The following ARL15 variants were observed in gnomAD, a reference collection of about 807,000 sequenced individuals.
ARL15 encodes the protein ADP-ribosylation factor-like protein 15.
In ARL15, 19 loss-of-function variants were observed where a neutral mutation model predicts 25.2. The ratio of observed to expected loss-of-function variants is 0.75; its 90% confidence interval spans 0.53 to 1.10. The LOEUF is 1.10. Among genes scored for constraint, ARL15 ranks in the 50% least tolerant of loss-of-function variants. ARL15 has a pLI of 0.00. For synonymous variants in ARL15, 94 were observed against 86.8 expected (o/e 1.08, Z -0.46); for missense variants, 220 against 246.0 (o/e 0.89, Z 0.71).
chr5:54,246,233 A>AT (rs972663216), intron 1 of ARL15, among the ~76,000 whole-genome samples: 14 of 151,932 alleles, frequency 9.2e-5, no homozygotes, highest in African/African-American at 3.4e-4. Flanking sequence ...AACTTCACAA[A>AT]TAAGGGTCTA....
chr5:54,096,494 A>G (rs990758182), intron 4 of ARL15, among the ~76,000 whole-genome samples: 6 of 152,154 alleles, frequency 3.9e-5, no homozygotes, highest in African/African-American at 1.4e-4. Context: ...GCTCACTGCA[A>G]CCAACTCCTG....
rs116464861 is a variant in ARL15, at chr5:54,147,359, A to G, written c.253+7221T>C. ...CTCTCCAAGGAGCTTTAGATAATTG[A>G]AAATGTTCTCTTCCAGCCCAATCCC... On this transcript the variant is annotated intron_variant, in intron 3 of 4. Transcript: ENST00000504924. Among the ~76,000 whole-genome samples the G allele has an allele frequency of 3.1e-3, 474 of 152,316 alleles. 2 individuals are homozygous for G. Among genetic ancestry groups the G allele is most frequent in the African/African-American group, 0.011 (455 of 41,560 alleles).
chr5:53,941,867 G>A (rs1239927403), intron 4 of ARL15, among the ~76,000 whole-genome samples: 1 of 152,128 alleles, frequency 6.6e-6, no homozygotes, highest in African/African-American at 2.4e-5. Context: ...GTCTCCAGCA[G>A]TAGAAAAGGA....
At chr5:54,211,888 G>A (rs1756053373) in intron 1 of ARL15, among the ~76,000 whole-genome samples, 1 of 152,142 alleles carries the variant, frequency 6.6e-6, no homozygotes, top group Non-Finnish European at 1.5e-5. Flanking sequence ...TGCTTATCTG[G>A]AGCACACCTA....
At chr5:54,099,192 A>G (rs1177130909) in intron 4 of ARL15, among the ~76,000 whole-genome samples, 2 of 152,180 alleles carry the variant, frequency 1.3e-5, no homozygotes, top group South Asian at 2.1e-4. Flanking sequence ...TTGCATTTGT[A>G]CTTTTTGAAA....
At chr5:54,077,987 C>T (rs1426542036) in intron 4 of ARL15, among the ~76,000 whole-genome samples, 1 of 152,088 alleles carries the variant, frequency 6.6e-6, no homozygotes, top group East Asian at 1.9e-4. Flanking sequence ...TTGAGTTATG[C>T]TAATTTGATT....
chr5:54,151,462 C>G (rs139387448), intron 3 of ARL15, among the ~76,000 whole-genome samples: 1 of 152,232 alleles, frequency 6.6e-6, no homozygotes, highest in East Asian at 1.9e-4. Flanking sequence ...GTGCTTAGAT[C>G]TTTCATTCTC....
At chr5:54,086,979 G>C (rs1751980047) in intron 4 of ARL15, among the ~76,000 whole-genome samples, 1 of 152,172 alleles carries the variant, frequency 6.6e-6, no homozygotes, top group African/African-American at 2.4e-5. Context: ...TTTAAAAAAT[G>C]TTCAAAGCTG....
In ARL15 at chr5:54,212,424, C is replaced by T. The variant is rs1756069118; in HGVS notation, c.49-40496G>A. Among the ~76,000 whole-genome samples, 2 of 152,062 alleles carry T rather than the reference C, an allele frequency of 1.3e-5. 1 individual carries two copies. Among genetic ancestry groups the T allele is most frequent in the South Asian group, 4.2e-4 (2 of 4,816 alleles). On this transcript the variant is annotated intron_variant, in intron 1 of 4. Transcript: ENST00000504924. ...CACAGGAAAGCAAAAACTTTCCCCACAGAACCTCAAGCAGACCCCCTCCCC... is the reference window on the plus strand; with the variant it reads ...CACAGGAAAGCAAAAACTTTCCCCATAGAACCTCAAGCAGACCCCCTCCCC...
At chr5:54,306,904 T>C (rs978197069) in intron 1 of ARL15, among the ~76,000 whole-genome samples, 2 of 152,344 alleles carry the variant, frequency 1.3e-5, no homozygotes, top group African/African-American at 2.4e-5. Context: ...AATCTAGAAG[T>C]TGATCTTGTC....
intron 4 of ARL15, among the ~76,000 whole-genome samples, chr5:54,073,592 A>C (rs1011281730): frequency 6.6e-6 from 1 of 152,248 alleles, no homozygotes; most frequent in African/African-American, 2.4e-5. Flanking sequence ...CTCTGGGGAA[A>C]GCAAATGGAA....
intron 1 of ARL15, among the ~76,000 whole-genome samples, chr5:54,240,930 C>T (rs560405637): frequency 1.7e-4 from 26 of 152,302 alleles, no homozygotes; most frequent in Admixed American, 6.5e-4. Context: ...AGCCAAAACA[C>T]TTCTGATCCC....
intron 4 of ARL15, among the ~76,000 whole-genome samples, chr5:53,961,679 A>G (rs1747378901): frequency 6.6e-6 from 1 of 152,174 alleles, no homozygotes; most frequent in Non-Finnish European, 1.5e-5. Context: ...ATAGGTTTAG[A>G]AAATTCCAAC....
chr5:54,295,585 A>T (rs1315623237), intron 1 of ARL15, among the ~76,000 whole-genome samples: 1 of 152,220 alleles, frequency 6.6e-6, no homozygotes, highest in Non-Finnish European at 1.5e-5. Context: ...AAATCCCAAA[A>T]AATTATAGGA....
chr5:54,217,146 T>C (rs896212111), intron 1 of ARL15, among the ~76,000 whole-genome samples: 1 of 151,318 alleles, frequency 6.6e-6, no homozygotes, highest in Non-Finnish European at 1.5e-5. Context: ...AAGTATTTTG[T>C]AAAACAAAAT....
At chr5:54,186,397 A>C (rs560889005) in intron 1 of ARL15, among the ~76,000 whole-genome samples, 2 of 152,214 alleles carry the variant, frequency 1.3e-5, no homozygotes, top group Non-Finnish European at 2.9e-5. Flanking sequence ...AGCTGGCAGC[A>C]GTGGGAGTTC....
intron 1 of ARL15, among the ~76,000 whole-genome samples, chr5:54,283,041 C>T (rs370243449): frequency 6.6e-6 from 1 of 152,172 alleles, no homozygotes; most frequent in Non-Finnish European, 1.5e-5. Context: ...TTTATACAGT[C>T]GAACACTGTT....
chr5:53,955,009 C>T (rs1747100820), intron 4 of ARL15, among the ~76,000 whole-genome samples: 1 of 151,708 alleles, frequency 6.6e-6, no homozygotes, highest in Non-Finnish European at 1.5e-5. Context: ...CTGAAATGCA[C>T]ATCTCCTGCT....
chr5:54,293,176 AC>A (rs1758377375), intron 1 of ARL15, among the ~76,000 whole-genome samples: 1 of 152,168 alleles, frequency 6.6e-6, no homozygotes, highest in Non-Finnish European at 1.5e-5. Flanking sequence ...CCAATCTGTA[AC>A]ATTTGCAACT....
Sources: gnomAD v4.1 joint callset for allele counts (sites outside exome capture counted in the v4.1 genomes callset) on GRCh38, gnomAD v4.1.1 for gene constraint, MANE v1.5 for transcripts, NCBI Gene and HGNC (gene_info 2026-07-23, HGNC 2026-07-21) for gene names.